PTPN2: variants seen among roughly 807,000 people sequenced by gnomAD.
The protein encoded by PTPN2 is protein tyrosine phosphatase non-receptor type 2.
In PTPN2, 19 loss-of-function variants were observed where a neutral mutation model predicts 57.3. The ratio of observed to expected loss-of-function variants is 0.33; its 90% CI spans 0.23 to 0.49. The LOEUF (loss-of-function observed/expected upper bound fraction) is 0.49. PTPN2 is among the 20% of genes least tolerant of loss of function. The pLI is 0.99. For synonymous variants in PTPN2, 153 were observed against 164.9 expected (o/e 0.93, Z 0.55); for missense variants, 358 against 501.1 (o/e 0.71, Z 2.73).
chr18:12,818,585 CTT>C (rs2042159784), intron 5 of PTPN2, among the ~76,000 whole-genome samples: 1 of 151,780 alleles, frequency 6.6e-6, no homozygotes, highest in Non-Finnish European at 1.5e-5. Context: ...GCTTTATACT[CTT>C]CATTTGTGTA....
At chr18:12,803,921 T>C (rs964752164) in intron 7 of PTPN2, among the ~76,000 whole-genome samples, 1 of 152,108 alleles carries the variant, frequency 6.6e-6, no homozygotes, top group African/African-American at 2.4e-5. Context: ...AGCCACAGAA[T>C]ACACATTTTT....
At chr18:12,863,115 A>C (rs536146273) in intron 1 of PTPN2, 1 of 152,364 alleles carries the variant, frequency 6.6e-6, no homozygotes, top group South Asian at 2.1e-4. Flanking sequence ...AGGCAAAGCC[A>C]GCTCTACTTG....
rs1001992024 is a variant in PTPN2, at chr18:12,793,029, T to C, written c.*1249A>G. On this transcript the variant is annotated 3_prime_UTR_variant, in exon 9 of 9. Coordinates refer to ENST00000309660, the MANE Select transcript of PTPN2 (RefSeq NM_002828.4). ...GACCCACCTGGACATCCAATGAGCA[T>C]AGTTTGAAAACCACTGAAATAAGGT... is the stretch of plus-strand genomic sequence containing the variant. 7.1e-6 allele frequency: 7 copies of C among 985,276 alleles called. No homozygotes were observed. In the South Asian group the frequency reaches 1.4e-4, roughly 20 times the overall value. The allele number at this position is 985,276 out of a possible 1,614,324, so 61.0% of individuals were successfully genotyped here. A position where few individuals can be genotyped will look rare whatever the true frequency, so the allele number is the denominator to read the frequency against.
At chr18:12,791,183 G>T (rs985473619), downstream of PTPN2, among the ~76,000 whole-genome samples, 1 of 152,138 alleles carries the variant, frequency 6.6e-6, no homozygotes, top group Non-Finnish European at 1.5e-5. Flanking sequence ...TATTGGAAAG[G>T]AATATATAAC....
At chr18:12,801,362 A>G (rs1287706885) in intron 8 of PTPN2, among the ~76,000 whole-genome samples, 2 of 152,040 alleles carry the variant, frequency 1.3e-5, no homozygotes, top group Non-Finnish European at 1.5e-5. Context: ...AAAATACAAA[A>G]ATTAGCTGGA....
intron 8 of PTPN2, among the ~76,000 whole-genome samples, chr18:12,801,240 C>T (rs12964872): frequency 0.083 from 12,573 of 152,232 alleles, 683 homozygotes; most frequent in East Asian, 0.18. Flanking sequence ...TGGCTGGGCA[C>T]GGTGGCTCAC....
At position 12,793,225 on chromosome 18, in the gene PTPN2, TTC is replaced by T; in HGVS notation, c.*1051_*1052del. 1.4e-6 allele frequency: 1 copy of T among 715,894 alleles called. No homozygotes were observed. Among genetic ancestry groups the T allele is most frequent in the Non-Finnish European group, 1.7e-6 (1 of 598,884 alleles). The allele number at this position is 715,894 out of a possible 1,614,324, so 44.3% of individuals were successfully genotyped here. ...ATTAAACAGTTTGCTTTAAAAAATA[TTC>T]ATTAAGTTAAAATGACAATGTAAGG... On this transcript the variant is annotated 3_prime_UTR_variant, in exon 9 of 9. Coordinates refer to ENST00000309660, the MANE Select transcript of PTPN2 (RefSeq NM_002828.4).
chr18:12,853,018 C>A (rs2043450134), intron 2 of PTPN2, among the ~76,000 whole-genome samples: 3 of 152,238 alleles, frequency 2.0e-5, no homozygotes, highest in Admixed American at 1.3e-4. Flanking sequence ...ATATCTGTAA[C>A]ATGCTTATGT....
intron 1 of PTPN2, among the ~76,000 whole-genome samples, chr18:12,880,114 T>A (rs111339707): frequency 4.6e-5 from 7 of 152,284 alleles, no homozygotes; most frequent in African/African-American, 1.7e-4. Context: ...CAAGAAGGCC[T>A]GCCAAGGAAG....
intron 7 of PTPN2, among the ~76,000 whole-genome samples, chr18:12,807,588 T>TAAA (rs1568093150): frequency 2.4e-5 from 1 of 42,030 alleles, no homozygotes; most frequent in East Asian, 9.6e-4. Flanking sequence ...AAAAAAAAAA[T>TAAA]ATATATATAT....
In PTPN2 at chr18:12,814,396, A is replaced by C. The variant is rs752802041; in HGVS notation, c.706-41T>G. The stretch of plus-strand genomic sequence containing the variant: ...AAAATGAGACAAGTCTTGTTATTGG[A>C]ACCCAGGAAACAGAATCAATGCAAG... On this transcript the variant is annotated intron_variant, in intron 6 of 8. Transcript: ENST00000309660. The C allele has an allele frequency of 9.9e-6, 15 of 1,514,938 alleles. 2 individuals carry two copies. The South Asian group carries it at 1.9e-4, about 19-fold the overall frequency. 93.8% of individuals were successfully genotyped at this position (1,514,938 alleles called of 1,614,324 possible). A position where few individuals can be genotyped will look rare whatever the true frequency, so the allele number is the denominator to read the frequency against.
At chr18:12,798,336 G>T (rs767444152) in intron 8 of PTPN2, among the ~76,000 whole-genome samples, 4 of 152,078 alleles carry the variant, frequency 2.6e-5, no homozygotes, top group Non-Finnish European at 5.9e-5. Flanking sequence ...AAGTTTTGTT[G>T]TACAGATTAT....
chr18:12,847,556 C>G (rs2043253241), intron 2 of PTPN2, among the ~76,000 whole-genome samples: 1 of 152,046 alleles, frequency 6.6e-6, no homozygotes, highest in African/African-American at 2.4e-5. Context: ...CATCAATAGC[C>G]CGCAGGAATA....
chr18:12,858,829 G>C (rs622717), intron 2 of PTPN2, among the ~76,000 whole-genome samples: 131,868 of 152,104 alleles, frequency 0.87, 58,500 homozygotes, highest in Non-Finnish European at 0.96. Flanking sequence ...CTTACAAAGG[G>C]GATGGAATGA....
At chr18:12,827,339 T>C (rs1340286875) in intron 4 of PTPN2, among the ~76,000 whole-genome samples, 1 of 120,120 alleles carries the variant, frequency 8.3e-6, no homozygotes, top group East Asian at 3.9e-4. Flanking sequence ...CGAGACTCCG[T>C]CTCAAAAAAA....
chr18:12,800,658 C>T (rs1308938933), intron 8 of PTPN2, among the ~76,000 whole-genome samples: 1 of 152,062 alleles, frequency 6.6e-6, no homozygotes, highest in Non-Finnish European at 1.5e-5. Context: ...GAAAATACAG[C>T]AGTAAAGCTA....
intron 9 of PTPN2, chr18:12,786,079 G>A (rs964629142): frequency 2.7e-5 from 14 of 514,984 alleles, no homozygotes; most frequent in African/African-American, 6.0e-5. Flanking sequence ...TGGAAGCATC[G>A]TGACTTATAT....
Position 12,840,878 on chromosome 18 carries a change from G to A in PTPN2, c.161-3987C>T, listed in dbSNP as rs983030221. Reference sequence around the variant, plus strand: ...CTCACATAAACCCCACTTCTGTGCCGATGCAGTCCATGACATATCTTCTCT... The same window carrying A: ...CTCACATAAACCCCACTTCTGTGCCAATGCAGTCCATGACATATCTTCTCT... On this transcript the variant is annotated intron_variant, in intron 2 of 8. Transcript: ENST00000309660. 8.6e-5 allele frequency: 135 copies of A among 1,572,114 alleles called. 2 individuals are homozygous for A. Among genetic ancestry groups the A allele is most frequent in the South Asian group, 5.3e-4 (47 of 87,884 alleles).
At chr18:12,877,238 A>G (rs1030671417) in intron 1 of PTPN2, among the ~76,000 whole-genome samples, 1 of 152,220 alleles carries the variant, frequency 6.6e-6, no homozygotes, top group Admixed American at 6.5e-5. Context: ...AAGAAAAAAA[A>G]AGACCACCCT....
Sources: allele counts gnomAD v4.1 joint callset (sites outside exome capture counted in the v4.1 genomes callset), GRCh38; gene constraint gnomAD v4.1.1; transcripts MANE v1.5; gene names NCBI Gene and HGNC (gene_info 2026-07-23, HGNC 2026-07-21).